Variants in RTCA observed in about 807,000 individuals in gnomAD.
RTCA encodes RNA terminal phosphate cyclase domain 1.
In RTCA, 37 loss-of-function variants were observed where a neutral mutation model predicts 46.1. That is an observed-to-expected ratio of 0.80 (90% confidence interval 0.62 to 1.06). RTCA has a LOEUF of 1.06. RTCA is among the 50% of genes least tolerant of loss of function. The pLI, the probability that RTCA is intolerant of heterozygous loss-of-function variation, is 0.00. For missense variants in RTCA, 435 were observed against 455.5 expected (o/e 0.95, Z 0.41); for synonymous variants, 164 against 158.3 (o/e 1.04, Z -0.27).
intron 4 of RTCA, among the ~76,000 whole-genome samples, chr1:100,273,133 C>G (rs1031950586): frequency 7.9e-5 from 12 of 152,172 alleles, no homozygotes; most frequent in African/African-American, 2.9e-4. Flanking sequence ...AGAATAACCA[C>G]TGATATCAAA....
At chr1:100,275,449 A>G in intron 6 of RTCA, 150 bp from the exon 7 acceptor site, 1 of 548,296 alleles carries the variant, frequency 1.8e-6, no homozygotes, top group Non-Finnish European at 3.2e-6. Context: ...GCATAAGCAT[A>G]TTTAAAAATT....
chr1:100,289,843 A>G (rs572908185), intron 10 of RTCA, among the ~76,000 whole-genome samples: 59 of 152,340 alleles, frequency 3.9e-4, no homozygotes, highest in African/African-American at 1.3e-3. Context: ...CAATGCAAAT[A>G]GTTATCTGTA....
chr1:100,286,800 A>G (rs1036166144), intron 9 of RTCA, among the ~76,000 whole-genome samples: 2 of 152,168 alleles, frequency 1.3e-5, no homozygotes, highest in African/African-American at 4.8e-5. Context: ...ATCATATTAT[A>G]TATACCAACT....
chr1:100,281,975 G>A (rs914088877), intron 8 of RTCA, among the ~76,000 whole-genome samples: 8 of 152,072 alleles, frequency 5.3e-5, no homozygotes, highest in African/African-American at 1.9e-4. Context: ...CAAAGTGCTG[G>A]GATTACAGGC....
rs1225897741 is a variant in RTCA, at chr1:100,273,605, A to C, written c.473+153A>C. The C allele has an allele frequency of 5.3e-5, 26 of 492,262 alleles. No homozygotes were observed. The East Asian group carries it at 8.9e-4, about 17-fold the overall frequency. The allele number at this position is 492,262 out of a possible 1,614,324, so 30.5% of individuals were successfully genotyped here. On this transcript the variant is annotated intron_variant, in intron 5 of 10. Transcript: ENST00000370128. ...GTACTTTGTGGCTTAAAAATAATGA[A>C]TAGCAGGAGCATGGGGACTCGAGAG...
At chr1:100,272,307 G>C (rs1401492874) in intron 4 of RTCA, among the ~76,000 whole-genome samples, 1 of 152,096 alleles carries the variant, frequency 6.6e-6, no homozygotes, top group Non-Finnish European at 1.5e-5. Flanking sequence ...GCTGAAGTGG[G>C]CACAGTGGTG....
intron 7 of RTCA, 136 bp downstream of exon 7, chr1:100,275,859 G>A: frequency 1.3e-6 from 1 of 754,066 alleles, no homozygotes; most frequent in African/African-American, 1.8e-5. Flanking sequence ...TTATTGAGGT[G>A]GAGTCTCGCT....
chr1:100,276,866 C>G (rs17420377), intron 7 of RTCA, among the ~76,000 whole-genome samples: 3,340 of 152,314 alleles, frequency 0.022, 107 homozygotes, highest in South Asian at 0.18. Context: ...TATGATAACA[C>G]TATCTAAAAA....
intron 8 of RTCA, among the ~76,000 whole-genome samples, chr1:100,283,744 A>G (rs1455063888): frequency 1.3e-5 from 2 of 151,956 alleles, no homozygotes; most frequent in Non-Finnish European, 2.9e-5. Context: ...TACTTGGCCA[A>G]TTGATAATAT....
intron 3 of RTCA, 88 bp downstream of exon 3, chr1:100,268,383 G>A (rs1665901619): frequency 9.3e-7 from 1 of 1,070,754 alleles, no homozygotes; most frequent in Non-Finnish European, 1.3e-6. Context: ...ATGTCTATGA[G>A]CTTGTTTCCC....
intron 6 of RTCA, 41 bp from the exon 7 acceptor site, chr1:100,275,557 TC>T: frequency 6.7e-7 from 1 of 1,502,764 alleles, no homozygotes; most frequent in Admixed American, 2.1e-5. Context: ...TTCCAAATAA[TC>T]AGTAATTGTT....
chr1:100,275,119 A>G (rs1482810649), intron 6 of RTCA, among the ~76,000 whole-genome samples, 154 bp downstream of exon 6: 1 of 152,244 alleles, frequency 6.6e-6, no homozygotes, highest in Non-Finnish European at 1.5e-5. Flanking sequence ...GGAGGCCATT[A>G]TCCTAAGCAA....
chr1:100,268,208 AG>A lies in RTCA; in HGVS notation c.208del (p.Ala70GlnfsTer8). 1 of 1,614,188 alleles carries A rather than the reference AG, an allele frequency of 6.2e-7. No individual in the cohort carries two copies. Among genetic ancestry groups the A allele is most frequent in the Non-Finnish European group, 8.5e-7 (1 of 1,180,032 alleles). On this transcript the variant is annotated frameshift_variant, in exon 3 of 11. Transcript: ENST00000370128. LOFTEE classifies it high-confidence loss of function. ...MIRDLCDGQL[E>X]GAEIGSTEIT... ...CGAGATTTGTGTGATGGGCAACTGG[AG>A]GGGGCAGAAATTGGCTCAACAGAAA... is the stretch of plus-strand genomic sequence containing the variant.
chr1:100,268,350 C>G, intron 3 of RTCA, 55 bp downstream of exon 3: 3 of 1,445,252 alleles, frequency 2.1e-6, no homozygotes, highest in Admixed American at 4.5e-5. Flanking sequence ...CCAGGTTTTG[C>G]CACTTTCTGG....
intron 8 of RTCA, chr1:100,281,323 A>G: frequency 1.9e-6 from 1 of 526,280 alleles, no homozygotes; most frequent in South Asian, 1.4e-5. Context: ...GTGTTATGAT[A>G]GAGAGCACTA....
intron 3 of RTCA, among the ~76,000 whole-genome samples, chr1:100,268,544 C>T (rs372032847): frequency 5.3e-5 from 8 of 152,082 alleles, no homozygotes; most frequent in East Asian, 3.9e-4. Context: ...CATAGGCACA[C>T]AGCACCATGC....
intron 3 of RTCA, 49 bp downstream of exon 3, chr1:100,268,344 G>A (rs779103653): frequency 9.5e-6 from 14 of 1,477,408 alleles, no homozygotes; most frequent in African/African-American, 4.2e-5. Context: ...TTAAGTCCAG[G>A]TTTTGCCACT....
chr1:100,270,209 TTTTA>T (rs1216757113), intron 3 of RTCA, among the ~76,000 whole-genome samples: 6 of 152,094 alleles, frequency 3.9e-5, no homozygotes, highest in Admixed American at 2.0e-4. Context: ...TTGAAGAAGG[TTTTA>T]TTTTTAATTT....
chr1:100,290,280 A>G (rs1360766252), intron 10 of RTCA, among the ~76,000 whole-genome samples: 2 of 151,702 alleles, frequency 1.3e-5, no homozygotes, highest in African/African-American at 4.8e-5. Flanking sequence ...TTTTTTTTTA[A>G]GACGTTGATG....
Sources: gnomAD v4.1 joint callset for allele counts (sites outside exome capture counted in the v4.1 genomes callset) on GRCh38, gnomAD v4.1.1 for gene constraint, MANE v1.5 for transcripts, NCBI Gene and HGNC (gene_info 2026-07-23, HGNC 2026-07-21) for gene names.